Variants in CTCF observed in about 807,000 individuals in gnomAD.
CTCF encodes CCCTC-binding factor, also known as transcriptional repressor CTCF.
CTCF carries 7 observed loss-of-function variants against 72.3 expected under a neutral mutation model. That is an observed-to-expected ratio of 0.10 (90% CI 0.06 to 0.18). The LOEUF (loss-of-function observed/expected upper bound fraction) is 0.18. CTCF is among the 10% of genes least tolerant of loss of function. The probability of loss-of-function intolerance (pLI) is 1.00; values close to 1 mark genes in which losing one functional copy is unlikely to be tolerated. For synonymous variants in CTCF, 374 were observed against 315.8 expected (o/e 1.18, Z -1.95); for missense variants, 516 against 949.1 (o/e 0.54, Z 6.00).
intron 7 of CTCF, among the ~76,000 whole-genome samples, chr16:67,622,248 C>T (rs796445302): frequency 1.6e-4 from 25 of 151,542 alleles, no homozygotes; most frequent in African/African-American, 5.3e-4. Flanking sequence ...CCCAGCTACT[C>T]GGGAGGCTGA....
At chr16:67,602,098 AGG>A (rs2051899902) in intron 2 of CTCF, among the ~76,000 whole-genome samples, 1 of 152,116 alleles carries the variant, frequency 6.6e-6, no homozygotes, top group Non-Finnish European at 1.5e-5. Context: ...TCCTGACCTC[AGG>A]TGATCCGCCT....
chr16:67,605,607 T>C (rs1056253977), intron 2 of CTCF, among the ~76,000 whole-genome samples: 12 of 152,242 alleles, frequency 7.9e-5, no homozygotes, highest in Non-Finnish European at 1.6e-4. Context: ...CAAAAGTATA[T>C]GTTGCTTCAA....
intron 2 of CTCF, among the ~76,000 whole-genome samples, chr16:67,591,113 T>C (rs2051737830): frequency 6.6e-6 from 1 of 151,782 alleles, no homozygotes; most frequent in Admixed American, 6.6e-5. Context: ...GCCAACATGA[T>C]GAAACCCCAT....
chr16:67,593,223 T>TC (rs763948701), intron 2 of CTCF, among the ~76,000 whole-genome samples: 30 of 152,050 alleles, frequency 2.0e-4, no homozygotes, highest in Non-Finnish European at 3.7e-4. Context: ...GGGGTACATG[T>TC]CCAAGTTTTT....
At chr16:67,578,371 T>G (rs994729772) in intron 2 of CTCF, among the ~76,000 whole-genome samples, 4 of 149,358 alleles carry the variant, frequency 2.7e-5, no homozygotes, top group Admixed American at 6.7e-5. Flanking sequence ...TTTCACTCTG[T>G]TGCCCAGGCT....
chr16:67,581,947 G>A (rs944747439), intron 2 of CTCF, among the ~76,000 whole-genome samples: 1 of 152,088 alleles, frequency 6.6e-6, no homozygotes, highest in South Asian at 2.1e-4. Flanking sequence ...TTGTTGGCCG[G>A]GTGCAGTGGC....
chr16:67,569,791 T>C (rs2051389281), intron 1 of CTCF, among the ~76,000 whole-genome samples: 1 of 151,754 alleles, frequency 6.6e-6, no homozygotes. Context: ...GTTCAGGCGA[T>C]TCTCCTGCCT....
At chr16:67,572,439 T>A (rs939334350) in intron 2 of CTCF, 1 of 152,164 alleles carries the variant, frequency 6.6e-6, no homozygotes, top group Non-Finnish European at 1.5e-5. Context: ...CTAGCTTAAT[T>A]GCTTAGATCC....
intron 2 of CTCF, among the ~76,000 whole-genome samples, chr16:67,607,224 T>C (rs2051986169): frequency 6.6e-6 from 1 of 152,200 alleles, no homozygotes; most frequent in South Asian, 2.1e-4. Context: ...CCCAAAATGC[T>C]GGGATTACAG....
intron 5 of CTCF, among the ~76,000 whole-genome samples, chr16:67,617,329 C>G (rs1376577794): frequency 6.6e-6 from 1 of 152,048 alleles, no homozygotes; most frequent in African/African-American, 2.4e-5. Flanking sequence ...GAAACCCTGT[C>G]TCTACTAAAA....
chr16:67,618,432 A>T (rs529774926), intron 5 of CTCF, among the ~76,000 whole-genome samples: 1 of 152,300 alleles, frequency 6.6e-6, no homozygotes, highest in Admixed American at 6.5e-5. Flanking sequence ...TATACCAGAA[A>T]TGTATAATAA....
chr16:67,595,398 C>G (rs2051798216), intron 2 of CTCF, among the ~76,000 whole-genome samples: 1 of 152,142 alleles, frequency 6.6e-6, no homozygotes, highest in Admixed American at 6.6e-5. Context: ...ACTGATTGTA[C>G]CTTCATCGTA....
At chr16:67,566,860 C>T (rs979180675) in intron 1 of CTCF, among the ~76,000 whole-genome samples, 1 of 151,620 alleles carries the variant, frequency 6.6e-6, no homozygotes, top group Non-Finnish European at 1.5e-5. Context: ...CGTGAGCCAC[C>T]GTGCCCGGCC....
At chr16:67,631,324 C>T (rs1436388158) in intron 10 of CTCF, among the ~76,000 whole-genome samples, 1 of 151,866 alleles carries the variant, frequency 6.6e-6, no homozygotes, top group African/African-American at 2.4e-5. Flanking sequence ...CCCACCACAC[C>T]CTATTAGTTT....
intron 5 of CTCF, among the ~76,000 whole-genome samples, chr16:67,618,126 T>G (rs2052157014): frequency 6.6e-6 from 1 of 152,180 alleles, no homozygotes; most frequent in African/African-American, 2.4e-5. Context: ...GTGTTTAGGC[T>G]GGGCATGGTG....
intron 11 of CTCF, among the ~76,000 whole-genome samples, chr16:67,637,098 TG>T (rs1194638629): frequency 1.3e-5 from 2 of 152,164 alleles, no homozygotes; most frequent in Non-Finnish European, 1.5e-5. Context: ...TTCTGCAAGA[TG>T]GGTACTGTTA....
At chr16:67,588,505 A>G (rs1031147902) in intron 2 of CTCF, among the ~76,000 whole-genome samples, 1 of 152,092 alleles carries the variant, frequency 6.6e-6, no homozygotes, top group Non-Finnish European at 1.5e-5. Context: ...AGGTTACTCT[A>G]CACCAGCAAA....
chr16:67,613,838 C>T (rs773537113), intron 4 of CTCF, among the ~76,000 whole-genome samples: 2 of 152,082 alleles, frequency 1.3e-5, no homozygotes, highest in Non-Finnish European at 2.9e-5. Context: ...ATGGGTGTGC[C>T]TTGGTGTGGG....
intron 6 of CTCF, 104 bp downstream of exon 6, chr16:67,620,921 C>A: frequency 1.1e-6 from 1 of 945,662 alleles, no homozygotes. Flanking sequence ...TGAATGAAGA[C>A]TGGCATGAAA....
Sources: allele counts gnomAD v4.1 joint callset (sites outside exome capture counted in the v4.1 genomes callset), GRCh38; gene constraint gnomAD v4.1.1; transcripts MANE v1.5; gene names NCBI Gene and HGNC (gene_info 2026-07-23, HGNC 2026-07-21).